The following ALK variants were observed in gnomAD, a reference collection of about 807,000 sequenced individuals.
The protein encoded by ALK is ALK tyrosine kinase receptor.
ALK carries 74 observed loss-of-function variants against 163.1 expected under a neutral mutation model. That is an observed-to-expected ratio of 0.45 (90% CI 0.38 to 0.55). ALK has a LOEUF of 0.55. Ranked by LOEUF, ALK falls within the 20% of genes least tolerant of loss-of-function variation. The pLI is 0.00. For missense variants in ALK, 2,063 were observed against 2,105.3 expected (o/e 0.98, Z 0.39); for synonymous variants, 960 against 843.2 (o/e 1.14, Z -2.40).
chr2:29,883,101 G>A (rs1357275522), intron 1 of ALK, among the ~76,000 whole-genome samples: 1 of 150,916 alleles, frequency 6.6e-6, no homozygotes, highest in African/African-American at 2.4e-5. Flanking sequence ...GAGGAAGGAG[G>A]AAGGAAGAAA....
At chr2:29,917,783 A>T (rs545598264) in intron 1 of ALK, among the ~76,000 whole-genome samples, 1 of 152,350 alleles carries the variant, frequency 6.6e-6, no homozygotes, top group South Asian at 2.1e-4. Context: ...ATCCAGTTAC[A>T]CTTAGTGTCT....
At chr2:29,882,051 C>A (rs1364601184) in intron 1 of ALK, among the ~76,000 whole-genome samples, 10 of 152,074 alleles carry the variant, frequency 6.6e-5, no homozygotes, top group Admixed American at 6.6e-4. Flanking sequence ...GTCCCCCCAC[C>A]CAATTCCTCC....
intron 4 of ALK, among the ~76,000 whole-genome samples, chr2:29,525,747 C>A (rs575863220): frequency 1.4e-5 from 2 of 142,334 alleles, no homozygotes; most frequent in Non-Finnish European, 3.0e-5. Flanking sequence ...GCTGAGATCA[C>A]GCCACTACAC....
intron 4 of ALK, among the ~76,000 whole-genome samples, chr2:29,394,299 A>ACACTG (rs1466118992): frequency 6.6e-6 from 1 of 150,828 alleles, no homozygotes; most frequent in African/African-American, 2.4e-5. Context: ...AAAGGAAAAA[A>ACACTG]CACTGATTAT....
At chr2:29,364,065 C>A (rs766332488) in intron 5 of ALK, among the ~76,000 whole-genome samples, 6 of 152,248 alleles carry the variant, frequency 3.9e-5, no homozygotes, top group Non-Finnish European at 7.4e-5. Flanking sequence ...AACACAGATT[C>A]AAAATGGGGA....
At chr2:29,217,464 C>T (rs1031405160) in intron 23 of ALK, among the ~76,000 whole-genome samples, 3 of 151,972 alleles carry the variant, frequency 2.0e-5, no homozygotes, top group Non-Finnish European at 4.4e-5. Flanking sequence ...CATTGCCAGC[C>T]AGTGCACCCT....
At chr2:29,571,602 CTTTTTTTTTTTTTTT>C (rs60429543) in intron 3 of ALK, among the ~76,000 whole-genome samples, 94 of 68,512 alleles carry the variant, frequency 1.4e-3, no homozygotes, top group Middle Eastern at 0.01. Context: ...TGGCTCATAT[CTTTTTTTTTTTTTTT>C]TTTTTTTTTT....
chr2:29,360,241 C>G (rs577194697), intron 5 of ALK, among the ~76,000 whole-genome samples: 1 of 152,342 alleles, frequency 6.6e-6, no homozygotes, highest in South Asian at 2.1e-4. Context: ...AGTTGGCCTT[C>G]CCAGTCCTGG....
chr2:29,637,255 A>G (rs1676561976), intron 3 of ALK, among the ~76,000 whole-genome samples: 1 of 152,348 alleles, frequency 6.6e-6, no homozygotes, highest in African/African-American at 2.4e-5. Flanking sequence ...TCAGCAATAA[A>G]AGAAAAAAAT....
rs1057065255 is a variant in ALK, at chr2:29,920,374, C to A, written c.286G>T (p.Ala96Ser). ...GGCCCCAGCAACCTGAGCAGCGGGG[C>A]GCAGTCCAGAGCTAGCGAGCCGCGG... ...EARGSLALDC[A>S]PLLRLLGPAP... Residue 96 changes from alanine to serine, a missense_variant, in exon 1 of 29, where the codon GCC becomes TCC. This residue lies in a region of ALK where 987 missense variants were observed against 939.5 expected (regional missense o/e 1.05). Coordinates refer to ENST00000389048, the MANE Select transcript of ALK (RefSeq NM_004304.5). 1 of 1,559,066 alleles carries A rather than the reference C, an allele frequency of 6.4e-7. No homozygotes were observed. Among genetic ancestry groups the A allele is most frequent in the Non-Finnish European group, 8.7e-7 (1 of 1,152,664 alleles).
At chr2:29,506,237 A>C (rs893900602) in intron 4 of ALK, among the ~76,000 whole-genome samples, 3 of 152,142 alleles carry the variant, frequency 2.0e-5, no homozygotes, top group Non-Finnish European at 4.4e-5. Flanking sequence ...CCTTTTTCCA[A>C]TTCTGCATGG....
At chr2:29,665,375 AT>A (rs770589015) in intron 3 of ALK, among the ~76,000 whole-genome samples, 21 of 151,696 alleles carry the variant, frequency 1.4e-4, no homozygotes, top group African/African-American at 1.7e-4. Flanking sequence ...AGCCTACTGT[AT>A]TTTTTTCATA....
At chr2:29,427,943 T>G (rs1039344347) in intron 4 of ALK, among the ~76,000 whole-genome samples, 1 of 152,076 alleles carries the variant, frequency 6.6e-6, no homozygotes. Context: ...CTGACCATAA[T>G]AGAATAAAAT....
intron 4 of ALK, among the ~76,000 whole-genome samples, chr2:29,521,622 C>T (rs1258747976): frequency 6.6e-6 from 1 of 152,150 alleles, no homozygotes; most frequent in African/African-American, 2.4e-5. Context: ...AAAAGGCAAA[C>T]TTAGAAACAG....
chr2:29,594,969 GA>G (rs1675168409), intron 3 of ALK, among the ~76,000 whole-genome samples: 1 of 150,184 alleles, frequency 6.7e-6, no homozygotes. Context: ...GGAAGGAACA[GA>G]AGGAATAGAT....
chr2:29,371,821 C>T (rs923526505), intron 5 of ALK, among the ~76,000 whole-genome samples: 4 of 152,160 alleles, frequency 2.6e-5, no homozygotes, highest in African/African-American at 9.7e-5. Context: ...TCCTCTCCAG[C>T]TGGTGATCCC....
At chr2:29,382,143 T>G (rs1029935113) in intron 5 of ALK, among the ~76,000 whole-genome samples, 1 of 152,146 alleles carries the variant, frequency 6.6e-6, no homozygotes, top group Non-Finnish European at 1.5e-5. Context: ...CAAGCCACTT[T>G]CTCTAGGGAA....
intron 3 of ALK, among the ~76,000 whole-genome samples, chr2:29,645,597 A>C (rs1463112219): frequency 6.6e-6 from 1 of 152,104 alleles, no homozygotes; most frequent in East Asian, 1.9e-4. Flanking sequence ...TTGCATGGTG[A>C]CTTGGTGGAA....
intron 2 of ALK, among the ~76,000 whole-genome samples, chr2:29,710,200 C>G (rs1195607744): frequency 6.6e-6 from 1 of 152,168 alleles, no homozygotes. Flanking sequence ...TCTTACTTAC[C>G]ACAAAATGCT....
Sources: gnomAD v4.1 joint callset for allele counts (sites outside exome capture counted in the v4.1 genomes callset) on GRCh38, gnomAD v4.1.1 for gene constraint, gnomAD v4.1.1 regional missense constraint, MANE v1.5 for transcripts, NCBI Gene and HGNC (gene_info 2026-07-23, HGNC 2026-07-21) for gene names.